The following UBE3C variants were observed in gnomAD, a reference collection of about 807,000 sequenced individuals.
The protein encoded by UBE3C is ubiquitin-protein ligase E3C.
In UBE3C, 42 loss-of-function variants were observed where a neutral mutation model predicts 129.4. That is an observed-to-expected ratio of 0.32 (90% CI 0.25 to 0.42). UBE3C has a LOEUF of 0.42. UBE3C is among the 10% of genes least tolerant of loss of function. The pLI is 1.00. For synonymous variants in UBE3C, 510 were observed against 492.4 expected, an observed-to-expected ratio of 1.04 and a Z score of -0.47; for missense variants, 1,049 against 1,319.1, an observed-to-expected ratio of 0.80 and a Z score of 3.17.
chr7:157,264,562 C>T (rs1356291514), intron 22 of UBE3C, among the ~76,000 whole-genome samples: 1 of 151,848 alleles, frequency 6.6e-6, no homozygotes, highest in South Asian at 2.1e-4. Flanking sequence ...AGCCAACATG[C>T]TCAGCCTGTT....
rs1175214169 is a variant in UBE3C at position 157,256,899 on chromosome 7, T to C, written c.2951-15T>C. 2 of 1,613,848 alleles carry C rather than the reference T, an allele frequency of 1.2e-6. No homozygotes were observed. The highest frequency in any genetic ancestry group is 1.7e-6 in the Non-Finnish European group (2 of 1,179,828). On this transcript the variant is annotated splice_polypyrimidine_tract_variant and intron_variant, in intron 21 of 22. Coordinates refer to ENST00000348165, the MANE Select transcript of UBE3C (RefSeq NM_014671.3). Reference sequence around the variant, plus strand: ...TGCTTTGCATTTCATAAAGCATGTGTTCATTTTGCCATAGGAGGCTATTCT... The same window carrying C: ...TGCTTTGCATTTCATAAAGCATGTGCTCATTTTGCCATAGGAGGCTATTCT...
chr7:157,174,548 G>A (rs1586663052), intron 4 of UBE3C, among the ~76,000 whole-genome samples: 2 of 152,114 alleles, frequency 1.3e-5, no homozygotes, highest in South Asian at 4.1e-4. Flanking sequence ...CACCCCGCAA[G>A]TTCAAGTGAT....
intron 21 of UBE3C, among the ~76,000 whole-genome samples, chr7:157,255,475 A>C (rs1328404914): frequency 3.9e-5 from 6 of 152,214 alleles, no homozygotes; most frequent in African/African-American, 1.4e-4. Flanking sequence ...TCTGAAGTCT[A>C]ATCTTTATGT....
At position 157,260,994 on chromosome 7, in the gene UBE3C, A is replaced by G. The variant is rs528917750; in HGVS notation, c.3081+3950A>G. On this transcript the variant is annotated intron_variant, in intron 22 of 22. Coordinates refer to ENST00000348165, the MANE Select transcript of UBE3C (RefSeq NM_014671.3). ...GGGGAACAGAAGTAGAGGGATTTAC[A>G]TGAGCTTTTAAAATCCCAAATAGAC... Among the ~76,000 whole-genome samples the G allele has an allele frequency of 1.7e-4, 26 of 152,242 alleles. No individual in the cohort carries two copies. In the South Asian group the frequency reaches 3.5e-3, roughly 21 times the overall value.
chr7:157,144,100 A>C (rs1278648085), intron 1 of UBE3C, among the ~76,000 whole-genome samples: 3 of 152,192 alleles, frequency 2.0e-5, no homozygotes, highest in Non-Finnish European at 4.4e-5. Flanking sequence ...GGAAGTCAAG[A>C]GCATAGCACA....
chr7:157,163,947 T>C, intron 2 of UBE3C, 84 bp downstream of exon 2: 1 of 1,239,616 alleles, frequency 8.1e-7, no homozygotes, highest in East Asian at 2.4e-5. Flanking sequence ...TATATATGTA[T>C]GTGTGTATGT....
intron 10 of UBE3C, among the ~76,000 whole-genome samples, chr7:157,192,211 T>G (rs1324371590): frequency 6.6e-6 from 1 of 152,194 alleles, no homozygotes; most frequent in Non-Finnish European, 1.5e-5. Flanking sequence ...GATAATTGTT[T>G]CCCGGGAAAT....
chr7:157,172,245 G>A (rs1459050181), intron 4 of UBE3C, among the ~76,000 whole-genome samples: 1 of 151,828 alleles, frequency 6.6e-6, no homozygotes, highest in Non-Finnish European at 1.5e-5. Context: ...ATGTTGGCCA[G>A]GCTGGTCTGT....
chr7:157,240,716 T>C (rs1457173035), intron 18 of UBE3C, among the ~76,000 whole-genome samples: 5 of 152,124 alleles, frequency 3.3e-5, no homozygotes, highest in Non-Finnish European at 7.3e-5. Flanking sequence ...CAAGGGAAGC[T>C]GGACAGGAGA....
intron 18 of UBE3C, among the ~76,000 whole-genome samples, chr7:157,237,440 C>CA (rs1337532907): frequency 4.0e-5 from 6 of 150,588 alleles, no homozygotes; most frequent in Non-Finnish European, 7.4e-5. Context: ...GACTCCGTCT[C>CA]AAAAAAAAAG....
chr7:157,197,702 A>G (rs1317950610), intron 10 of UBE3C: 2 of 1,610,024 alleles, frequency 1.2e-6, no homozygotes, highest in African/African-American at 1.3e-5. Context: ...TCACAAGAAT[A>G]AAGTCAAGAG....
At chr7:157,238,397 A>G (rs1403241192) in intron 18 of UBE3C, among the ~76,000 whole-genome samples, 2 of 151,572 alleles carry the variant, frequency 1.3e-5, no homozygotes, top group East Asian at 1.9e-4. Context: ...CACATCGTTC[A>G]GGTGGAGTGA....
chr7:157,183,403 G>A lies in UBE3C; in HGVS notation c.992-475G>A, dbSNP rs150845312. Among the ~76,000 whole-genome samples the A allele has an allele frequency of 8.8e-3, 1,335 of 152,276 alleles. 6 individuals carry two copies. Among genetic ancestry groups the A allele is most frequent in the Non-Finnish European group, 0.012 (846 of 68,024 alleles). ...GTGTGCGGGAATGGGGAGCTTCCAT[G>A]CCTTCTCCAGGCACTCCACACTCTC... On this transcript the variant is annotated intron_variant, in intron 8 of 22. Coordinates refer to ENST00000348165, the MANE Select transcript of UBE3C (RefSeq NM_014671.3).
chr7:157,196,929 A>G (rs1363763589), intron 10 of UBE3C, among the ~76,000 whole-genome samples: 1 of 152,214 alleles, frequency 6.6e-6, no homozygotes, highest in Non-Finnish European at 1.5e-5. Context: ...AGATAGCGCC[A>G]TTGCACTCCA....
At position 157,264,406 on chromosome 7, in the gene UBE3C, TACAC is replaced by T. The variant is rs56147121; in HGVS notation, c.3082-3164_3082-3161del. On this transcript the variant is annotated intron_variant, in intron 22 of 22. Transcript: ENST00000348165. ...GTGTGAGTCAACATGCTCGGCCTGT[TACAC>T]ACACACACACACACCTGGTACTACA... Among the ~76,000 whole-genome samples, 355 of 107,582 alleles carry T rather than the reference TACAC, an allele frequency of 3.3e-3. 15 individuals are homozygous for T. The East Asian group carries it at 0.066, about 20-fold the overall frequency. 70.6% of individuals were successfully genotyped at this position (107,582 alleles called of 152,430 possible).
intron 18 of UBE3C, 75 bp downstream of exon 18, chr7:157,231,402 T>C (rs555656012): frequency 6.3e-5 from 98 of 1,564,672 alleles, no homozygotes; most frequent in Admixed American, 4.5e-4. Context: ...GTGGTTGTTA[T>C]CCAGGTTTAC....
At chr7:157,142,897 CGCAGTGTTGCCCAGGCTGGAGT>C (rs1807495088) in intron 1 of UBE3C, among the ~76,000 whole-genome samples, 1 of 150,130 alleles carries the variant, frequency 6.7e-6, no homozygotes, top group South Asian at 2.1e-4. Context: ...CACGCTGGAG[CGCAGTGTTGCCCAGGCTGGAGT>C]GCAATGGTGC....
intron 10 of UBE3C, among the ~76,000 whole-genome samples, chr7:157,199,993 G>A (rs1330763564): frequency 1.3e-5 from 2 of 152,118 alleles, no homozygotes; most frequent in East Asian, 1.9e-4. Flanking sequence ...AATGAATGCA[G>A]TGTGCCCCCA....
chr7:157,232,613 A>G (rs941030095), intron 18 of UBE3C, among the ~76,000 whole-genome samples: 1 of 152,176 alleles, frequency 6.6e-6, no homozygotes, highest in African/African-American at 2.4e-5. Context: ...TGTCCTACCA[A>G]AGTGCTGGGA....
Sources: gnomAD v4.1 joint callset for allele counts (sites outside exome capture counted in the v4.1 genomes callset) on GRCh38, gnomAD v4.1.1 for gene constraint, MANE v1.5 for transcripts, NCBI Gene and HGNC (gene_info 2026-07-23, HGNC 2026-07-21) for gene names.